Variants in TIMP3 observed in about 807,000 individuals in gnomAD.
TIMP3 encodes the protein metalloproteinase inhibitor 3.
A neutral mutation model predicts 30.0 loss-of-function variants in TIMP3; 11 were observed. The ratio of observed to expected loss-of-function variants is 0.37; its 90% CI spans 0.23 to 0.61. The LOEUF is 0.61. TIMP3 is among the 20% of genes least tolerant of loss of function. The pLI is 0.70. For synonymous variants in TIMP3, 112 were observed against 111.3 expected (o/e 1.01, Z -0.04); for missense variants, 181 against 276.8 (o/e 0.65, Z 2.45).
intron 1 of TIMP3, among the ~76,000 whole-genome samples, chr22:32,812,720 T>C (rs1390291105): frequency 6.6e-6 from 1 of 152,184 alleles, no homozygotes; most frequent in Non-Finnish European, 1.5e-5. Context: ...GATGAACACA[T>C]GTGTGATCTG....
intron 1 of TIMP3, among the ~76,000 whole-genome samples, chr22:32,846,707 A>G (rs1231588402): frequency 1.3e-5 from 2 of 152,190 alleles, no homozygotes; most frequent in African/African-American, 4.8e-5. Context: ...ATGCAATGCT[A>G]TGTTGCTGCT....
In TIMP3 at chr22:32,861,813, A is replaced by G. The variant is rs749155143; in HGVS notation, c.*2436A>G. The G allele has an allele frequency of 2.6e-5, 4 of 152,640 alleles. No homozygotes were observed. The highest frequency in any genetic ancestry group is 4.4e-5 in the Non-Finnish European group (3 of 68,048). 9.5% of individuals were successfully genotyped at this position (152,640 alleles called of 1,614,324 possible). On this transcript the variant is annotated 3_prime_UTR_variant, in exon 5 of 5. Coordinates refer to ENST00000266085, the MANE Select transcript of TIMP3 (RefSeq NM_000362.5). ...CCGTTCACTTACTGTATAATTTAAA[A>G]TCATTTATGTAGCTGAGACACTTCT...
At chr22:32,846,355 T>C (rs1406061761) in intron 1 of TIMP3, among the ~76,000 whole-genome samples, 4 of 152,248 alleles carry the variant, frequency 2.6e-5, no homozygotes, top group African/African-American at 9.6e-5. Context: ...GTTGCCTTTC[T>C]TCTCATCCTA....
intron 1 of TIMP3, among the ~76,000 whole-genome samples, chr22:32,807,879 G>T (rs1010124709): frequency 6.6e-6 from 1 of 152,102 alleles, no homozygotes; most frequent in Non-Finnish European, 1.5e-5. Flanking sequence ...TGCAACATGA[G>T]GGGATGGAGG....
chr22:32,852,633 C>G (rs1226614820), intron 2 of TIMP3, among the ~76,000 whole-genome samples: 1 of 152,174 alleles, frequency 6.6e-6, no homozygotes, highest in Non-Finnish European at 1.5e-5. Context: ...TCTGACCTCT[C>G]TCTTCTCTCA....
intron 1 of TIMP3, among the ~76,000 whole-genome samples, chr22:32,835,626 T>A (rs912492569): frequency 3.9e-5 from 6 of 152,222 alleles, no homozygotes; most frequent in Admixed American, 1.3e-4. Context: ...AACTGAGAGA[T>A]TTAGACCAGG....
At chr22:32,845,459 G>C (rs532774628) in intron 1 of TIMP3, among the ~76,000 whole-genome samples, 1 of 152,164 alleles carries the variant, frequency 6.6e-6, no homozygotes, top group African/African-American at 2.4e-5. Flanking sequence ...CAAAGTGCTG[G>C]GATTACAGTG....
chr22:32,853,637 T>C (rs900478011), intron 2 of TIMP3, among the ~76,000 whole-genome samples: 19 of 152,250 alleles, frequency 1.2e-4, no homozygotes, highest in Non-Finnish European at 2.4e-4. Flanking sequence ...AACCCACTTA[T>C]GTCTGAAGTT....
At chr22:32,834,363 G>T (rs11089595) in intron 1 of TIMP3, among the ~76,000 whole-genome samples, 1 of 151,144 alleles carries the variant, frequency 6.6e-6, no homozygotes, top group Admixed American at 6.6e-5. Context: ...GGGTTCCACC[G>T]TGTTGGCCAG....
chr22:32,858,112 C>A lies in TIMP3; in HGVS notation c.412C>A (p.Arg138=), dbSNP rs1483440742. 1 of 1,614,156 alleles carries A rather than the reference C, an allele frequency of 6.2e-7. No individual in the cohort carries two copies. The highest frequency in any genetic ancestry group is 8.5e-7 in the Non-Finnish European group (1 of 1,180,008). ...CTCCCAGCGCAAGGGGCTGAACTAT[C>A]GGTATCACCTGGGTTGTAACTGCAA... is the stretch of plus-strand genomic sequence containing the variant. The part of the protein sequence containing the change: ...TLSQRKGLNY[R]YHLGCNCKIK... The change falls in exon 4 of 5, where the codon CGG becomes AGG. Residue 138 remains arginine, a synonymous_variant. Coordinates refer to ENST00000266085, the MANE Select transcript of TIMP3 (RefSeq NM_000362.5).
At chr22:32,823,104 G>C (rs1399060258) in intron 1 of TIMP3, among the ~76,000 whole-genome samples, 1 of 152,158 alleles carries the variant, frequency 6.6e-6, no homozygotes, top group Non-Finnish European at 1.5e-5. Context: ...CACATCATTT[G>C]ATAATCAGAT....
At position 32,857,235 on chromosome 22, in the gene TIMP3, C is replaced by G. The variant is rs753332932; in HGVS notation, c.205-14C>G. 5.6e-6 allele frequency: 9 copies of G among 1,600,262 alleles called. No homozygotes were observed. The highest frequency in any genetic ancestry group is 1.7e-5 in the Admixed American group (1 of 59,986). ...CTGGGAAAGAAGAAGTCATGATGTT[C>G]CTTTTGCCCACAGATGTACCGAGGC... is the stretch of plus-strand genomic sequence containing the variant. On this transcript the variant is annotated splice_polypyrimidine_tract_variant and intron_variant, in intron 2 of 4. Coordinates refer to ENST00000266085, the MANE Select transcript of TIMP3 (RefSeq NM_000362.5).
chr22:32,820,748 A>G lies in TIMP3; in HGVS notation c.121+18626A>G, dbSNP rs542152616. Among the ~76,000 whole-genome samples, 6 of 152,304 alleles carry G rather than the reference A, an allele frequency of 3.9e-5. No individual in the cohort carries two copies. The South Asian group carries it at 1.2e-3, about 32-fold the overall frequency. On this transcript the variant is annotated intron_variant, in intron 1 of 4. Transcript: ENST00000266085. Reference sequence around the variant, plus strand: ...GGGCTTGGGATATGTTTTAGGGTGAAGGATCACAGAAGCTTACTCATACCT... The same window carrying G: ...GGGCTTGGGATATGTTTTAGGGTGAGGGATCACAGAAGCTTACTCATACCT...
chr22:32,816,904 T>A (rs1358420628), intron 1 of TIMP3, among the ~76,000 whole-genome samples: 1 of 152,154 alleles, frequency 6.6e-6, no homozygotes, highest in African/African-American at 2.4e-5. Flanking sequence ...CAAGGTGTGA[T>A]CCTTGCACCA....
intron 1 of TIMP3, among the ~76,000 whole-genome samples, chr22:32,805,027 G>C (rs112068157): frequency 4.0e-4 from 2 of 4,958 alleles, no homozygotes; most frequent in Admixed American, 4.4e-3. Context: ...GCGTGTGTGC[G>C]TGTGTGTGTG....
chr22:32,854,509 T>C (rs2048310096), intron 2 of TIMP3, among the ~76,000 whole-genome samples: 2 of 152,134 alleles, frequency 1.3e-5, no homozygotes, highest in Non-Finnish European at 1.5e-5. Flanking sequence ...GAGTGCTTAG[T>C]TGAAACATTT....
intron 1 of TIMP3, among the ~76,000 whole-genome samples, chr22:32,809,954 C>G (rs2046870543): frequency 6.6e-6 from 1 of 152,174 alleles, no homozygotes; most frequent in African/African-American, 2.4e-5. Flanking sequence ...CTCCCTGTTA[C>G]CCACAGTGCT....
chr22:32,824,484 C>G (rs750603336), intron 1 of TIMP3, among the ~76,000 whole-genome samples: 3 of 152,028 alleles, frequency 2.0e-5, no homozygotes, highest in Non-Finnish European at 4.4e-5. Flanking sequence ...GAGACAACAG[C>G]AGATCCCTGT....
rs547793983 is a variant in TIMP3, at chr22:32,822,627, C to T, written c.121+20505C>T. On this transcript the variant is annotated intron_variant, in intron 1 of 4. Transcript: ENST00000266085. ...CCCAAATTAATCTAAATGTCTATTGCAAATAGACTGCTTAGATTATGGTGC... is the reference window on the plus strand; with the variant it reads ...CCCAAATTAATCTAAATGTCTATTGTAAATAGACTGCTTAGATTATGGTGC... 1.2e-4 allele frequency among the ~76,000 whole-genome samples: 19 copies of T among 152,302 alleles called. No homozygotes were observed. The South Asian group carries it at 3.7e-3, about 30-fold the overall frequency.
Sources: gnomAD v4.1 joint callset for allele counts (sites outside exome capture counted in the v4.1 genomes callset) on GRCh38, gnomAD v4.1.1 for gene constraint, MANE v1.5 for transcripts, NCBI Gene and HGNC (gene_info 2026-07-23, HGNC 2026-07-21) for gene names.